Variants in NSD3 observed in about 807,000 individuals in gnomAD.
The protein encoded by NSD3 is nuclear receptor binding SET domain protein 3, also known as histone-lysine N-methyltransferase NSD3.
A neutral mutation model predicts 160.8 loss-of-function variants in NSD3; 24 were observed. The observed-to-expected ratio is 0.15, with a 90% CI of 0.11 to 0.21. NSD3 has a LOEUF of 0.21. Among genes scored for constraint, NSD3 ranks in the 10% least tolerant of loss-of-function variants. The pLI is 1.00. For synonymous variants in NSD3, 520 were observed against 600.0 expected, an observed-to-expected ratio of 0.87 and a Z score of 1.95; for missense variants, 1,157 against 1,735.9, an observed-to-expected ratio of 0.67 and a Z score of 5.93.
intron 1 of NSD3, among the ~76,000 whole-genome samples, chr8:38,377,477 T>G (rs1430954700): frequency 6.6e-6 from 1 of 151,850 alleles, no homozygotes; most frequent in Admixed American, 6.6e-5. Context: ...GCCTTCCGAG[T>G]AGCTGCGATT....
At chr8:38,313,995 G>GCAAAA (rs59256436) in intron 12 of NSD3, among the ~76,000 whole-genome samples, 31,708 of 151,654 alleles carry the variant, frequency 0.21, 3,519 homozygotes, top group Non-Finnish European at 0.23. Context: ...CTAAAACAAA[G>GCAAAA]CAAAACAAAA....
At chr8:38,295,668 C>CTTT (rs372792522) in intron 16 of NSD3, 128 bp downstream of exon 16, 14 of 702,204 alleles carry the variant, frequency 2.0e-5, no homozygotes, top group Admixed American at 3.4e-5. Flanking sequence ...TGGTTCTTTT[C>CTTT]TTTTTTTTTT....
In NSD3 at chr8:38,381,819, AC is replaced by A; in HGVS notation, c.-66del. On this transcript the variant is annotated 5_prime_UTR_variant, in exon 1 of 24. Coordinates refer to ENST00000317025, the MANE Select transcript of NSD3 (RefSeq NM_023034.2). ...TTTACCTTCAGTTTGTTCCATTCTA[AC>A]CCCCCGGCCGTGTCAGTGCGATCAC... 1 of 151,042 alleles carries A rather than the reference AC, an allele frequency of 6.6e-6. No individual in the cohort carries two copies. The highest frequency in any genetic ancestry group is 1.5e-5 in the Non-Finnish European group (1 of 68,296). 9.4% of individuals were successfully genotyped at this position (151,042 alleles called of 1,614,324 possible). A position where few individuals can be genotyped will look rare whatever the true frequency, so the allele number is the denominator to read the frequency against.
Position 38,318,013 on chromosome 8 carries a change from G to A in NSD3, c.1855+882C>T. 1 of 1,614,124 alleles carries A rather than the reference G, an allele frequency of 6.2e-7. No individual in the cohort carries two copies. ...CGGAGCTGTCACTGAATCTGACAGA[G>A]CCCTGCACTCCCCGGTCCGCCGACC... On this transcript the variant is annotated intron_variant, in intron 9 of 23. Coordinates refer to ENST00000317025, the MANE Select transcript of NSD3 (RefSeq NM_023034.2). The surrounding 1 kb of genome is among the most constrained non-coding windows in gnomAD (Gnocchi z 5.3).
intron 19 of NSD3, among the ~76,000 whole-genome samples, chr8:38,285,610 G>A (rs1343704243): frequency 6.6e-6 from 1 of 152,194 alleles, no homozygotes; most frequent in Non-Finnish European, 1.5e-5. Context: ...CTATTAAAAG[G>A]TGTTAACACA....
chr8:38,306,052 A>T (rs1809384187), intron 12 of NSD3, among the ~76,000 whole-genome samples: 1 of 152,180 alleles, frequency 6.6e-6, no homozygotes, highest in Non-Finnish European at 1.5e-5. Flanking sequence ...CCAGAATTCT[A>T]TACCCAGTGA....
At chr8:38,325,119 CT>C (rs1809876760) in intron 7 of NSD3, among the ~76,000 whole-genome samples, 1 of 152,202 alleles carries the variant, frequency 6.6e-6, no homozygotes, top group South Asian at 2.1e-4. Context: ...CAATTTATAG[CT>C]GGTCAGTCAG....
chr8:38,294,098 G>T (rs1227866316), intron 16 of NSD3, among the ~76,000 whole-genome samples: 4 of 151,824 alleles, frequency 2.6e-5, no homozygotes, highest in African/African-American at 9.7e-5. Flanking sequence ...TTTTGTTGTT[G>T]TTTTTTTCTG....
chr8:38,299,390 G>GA (rs1211585501), intron 15 of NSD3, 54 bp downstream of exon 15: 4 of 1,562,416 alleles, frequency 2.6e-6, no homozygotes, highest in Admixed American at 1.8e-5. Context: ...TATTGAAAGA[G>GA]AAAAAAATAG....
chr8:38,302,465 T>G (rs2131007415), intron 14 of NSD3, among the ~76,000 whole-genome samples: 1 of 152,320 alleles, frequency 6.6e-6, no homozygotes. Flanking sequence ...TTAAAATATG[T>G]GGGAATTAAA....
chr8:38,363,374 T>C (rs1811031956), intron 1 of NSD3, among the ~76,000 whole-genome samples: 1 of 152,192 alleles, frequency 6.6e-6, no homozygotes, highest in Non-Finnish European at 1.5e-5. Flanking sequence ...CCGGGCATGG[T>C]GGCTTATGCC....
Position 38,319,139 on chromosome 8 carries a change from T to C in NSD3, c.1810-199A>G. 1.8e-6 allele frequency: 1 copy of C among 545,914 alleles called. No homozygotes were observed. Among genetic ancestry groups the C allele is most frequent in the Non-Finnish European group, 3.3e-6 (1 of 306,242 alleles). 33.8% of individuals were successfully genotyped at this position (545,914 alleles called of 1,614,324 possible). On this transcript the variant is annotated intron_variant, in intron 8 of 23. Coordinates refer to ENST00000317025, the MANE Select transcript of NSD3 (RefSeq NM_023034.2). This position sits in a 1 kb window ranked among gnomAD's most constrained non-coding sequence, Gnocchi z 4.1. ...TTAAATCCTAGCTGCCTGTGCTGAATATCAAGTGACAACACACAGCCACAT... is the reference window on the plus strand; with the variant it reads ...TTAAATCCTAGCTGCCTGTGCTGAACATCAAGTGACAACACACAGCCACAT...
chr8:38,333,221 A>C (rs1161846721), intron 4 of NSD3, among the ~76,000 whole-genome samples: 1 of 152,258 alleles, frequency 6.6e-6, no homozygotes, highest in Non-Finnish European at 1.5e-5. Context: ...CGAAATTTAT[A>C]GATAACACAA....
rs147243166 is a variant in NSD3 at position 38,292,521 on chromosome 8, G to A, written c.2916-1844C>T. 1.3e-3 allele frequency among the ~76,000 whole-genome samples: 192 copies of A among 151,974 alleles called. 1 individual carries two copies. Among genetic ancestry groups the A allele is most frequent in the African/African-American group, 4.3e-3 (177 of 41,442 alleles). On this transcript the variant is annotated intron_variant, in intron 16 of 23. Coordinates refer to ENST00000317025, the MANE Select transcript of NSD3 (RefSeq NM_023034.2). ...GATTAGGCCAGGCACGGTGTCTCAC[G>A]CCTGTAATCCCAGCACTTTGGGAGG...
At position 38,317,578 on chromosome 8, in the gene NSD3, CT is replaced by C. The variant is rs1180834629; in HGVS notation, c.1855+1316del. On this transcript the variant is annotated intron_variant, in intron 9 of 23. Coordinates refer to ENST00000317025, the MANE Select transcript of NSD3 (RefSeq NM_023034.2). The surrounding 1 kb of genome is among the most constrained non-coding windows in gnomAD (Gnocchi z 5.3). ...GCACTAATATTAAAAAAAATAAGAA[CT>C]TTTAATGATTGTAATGTATACAGTT... is the stretch of plus-strand genomic sequence containing the variant. 5.6e-6 allele frequency: 6 copies of C among 1,069,668 alleles called. No homozygotes were observed. The highest frequency in any genetic ancestry group is 8.6e-5 in the South Asian group (2 of 23,272). 66.3% of individuals were successfully genotyped at this position (1,069,668 alleles called of 1,614,324 possible).
intron 4 of NSD3, chr8:38,336,161 T>C (rs1810210448): frequency 6.6e-6 from 1 of 152,178 alleles, no homozygotes; most frequent in South Asian, 2.1e-4. Context: ...AGACAGATGG[T>C]TTAAAGTAAA....
At chr8:38,363,512 C>T (rs111422868) in intron 1 of NSD3, among the ~76,000 whole-genome samples, 9,440 of 151,808 alleles carry the variant, frequency 0.062, 608 homozygotes, top group African/African-American at 0.17. Context: ...CATGGTGGTG[C>T]GTGCCTGTAG....
chr8:38,295,668 CTTTT>C, intron 16 of NSD3, 124 bp downstream of exon 16: 1 of 702,280 alleles, frequency 1.4e-6, no homozygotes, highest in Non-Finnish European at 2.1e-6. Context: ...TGGTTCTTTT[CTTTT>C]TTTTTTTTAA....
At chr8:38,366,127 A>AT (rs1191221522) in intron 1 of NSD3, among the ~76,000 whole-genome samples, 20 of 151,736 alleles carry the variant, frequency 1.3e-4, no homozygotes, top group Non-Finnish European at 2.8e-4. Context: ...AAAAAAAAAA[A>AT]AAAAAGCTGA....
Sources: allele counts gnomAD v4.1 joint callset (sites outside exome capture counted in the v4.1 genomes callset), GRCh38; gene constraint gnomAD v4.1.1; non-coding constraint Gnocchi (gnomAD v3.1); transcripts MANE v1.5; gene names NCBI Gene and HGNC (gene_info 2026-07-23, HGNC 2026-07-21).